The following PDE10A variants were observed in gnomAD, a reference collection of about 807,000 sequenced individuals.
The protein encoded by PDE10A is phosphodiesterase 10A, also known as cAMP and cAMP-inhibited cGMP 3',5'-cyclic phosphodiesterase 10A.
Under a neutral mutation model 97.7 loss-of-function variants are expected in PDE10A, and 39 were observed. That is an observed-to-expected ratio of 0.40 (90% CI 0.31 to 0.52). The LOEUF is 0.52. PDE10A is among the 20% of genes least tolerant of loss of function. PDE10A has a pLI of 0.56. For synonymous variants in PDE10A, 371 were observed against 376.8 expected (o/e 0.98, Z 0.18); for missense variants, 731 against 1,047.8 (o/e 0.70, Z 4.17).
intron 1 of PDE10A, among the ~76,000 whole-genome samples, chr6:165,698,518 ATAAT>A (rs1172327182): frequency 3.3e-5 from 5 of 152,238 alleles, no homozygotes; most frequent in Admixed American, 6.5e-5. Flanking sequence ...GAGCGAAAAA[ATAAT>A]TAATGAAATT....
At chr6:165,398,024 T>TA (rs1314552527) in intron 13 of PDE10A, among the ~76,000 whole-genome samples, 1 of 152,212 alleles carries the variant, frequency 6.6e-6, no homozygotes, top group Non-Finnish European at 1.5e-5. Flanking sequence ...TTGTTCTTAC[T>TA]AAAAAATTAC....
At chr6:165,814,454 T>C (rs34183557) in intron 1 of PDE10A, among the ~76,000 whole-genome samples, 11,182 of 31,024 alleles carry the variant, frequency 0.36, 534 homozygotes, top group Non-Finnish European at 0.52. Context: ...ATCCTAAAGG[T>C]ATTTTTTTTT....
At chr6:165,820,973 A>T (rs1779552475) in intron 1 of PDE10A, among the ~76,000 whole-genome samples, 1 of 152,232 alleles carries the variant, frequency 6.6e-6, no homozygotes, top group Non-Finnish European at 1.5e-5. Context: ...TTTATAACCC[A>T]TCTTACAAAT....
intron 1 of PDE10A, among the ~76,000 whole-genome samples, chr6:165,791,928 G>A (rs1778666077): frequency 6.6e-6 from 1 of 152,202 alleles, no homozygotes. Flanking sequence ...TCCGAAGTCA[G>A]CTCTGTGCAA....
chr6:165,731,123 TC>T lies in PDE10A; in HGVS notation c.-614-187556del, dbSNP rs370319654. On this transcript the variant is annotated intron_variant, in intron 1 of 19. Coordinates refer to the PDE10A transcript ENST00000366882. ...TGCCGCGCCGCGGAACCCTGCCGCA[TC>T]CCAGAACTGCCGGAGCTCCCTGTCC... Among the ~76,000 whole-genome samples, 68 of 152,348 alleles carry T rather than the reference TC, an allele frequency of 4.5e-4. 1 individual carries two copies. In the East Asian group the frequency reaches 9.1e-3, roughly 20 times the overall value.
At chr6:165,759,209 A>G (rs531578806) in intron 1 of PDE10A, among the ~76,000 whole-genome samples, 1 of 152,330 alleles carries the variant, frequency 6.6e-6, no homozygotes, top group Non-Finnish European at 1.5e-5. Flanking sequence ...GGTACACAGG[A>G]TGAAGTATTT....
chr6:165,740,496 C>T (rs1792693292), intron 1 of PDE10A, among the ~76,000 whole-genome samples: 2 of 152,062 alleles, frequency 1.3e-5, no homozygotes, highest in East Asian at 3.9e-4. Context: ...ACGTGCTCGG[C>T]TAATTTTTTT....
chr6:165,825,069 A>G (rs1779691293), intron 1 of PDE10A, among the ~76,000 whole-genome samples: 1 of 148,296 alleles, frequency 6.7e-6, no homozygotes, highest in Non-Finnish European at 1.5e-5. Context: ...AACTGCTTGA[A>G]CCCAGGAGGT....
rs191101923 is a variant in PDE10A at position 165,375,487 on chromosome 6, G to C, written c.2783+3707C>G. 1.5e-4 allele frequency among the ~76,000 whole-genome samples: 23 copies of C among 152,330 alleles called. No homozygotes were observed. In the East Asian group the frequency reaches 4.2e-3, roughly 28 times the overall value. ...GCAGAAGGAAAGTATGAAAGTAGCA[G>C]AGATTGGTTCGAGAGGTTTAAAGCA... On this transcript the variant is annotated intron_variant, in intron 18 of 21. Transcript: ENST00000539869.
chr6:165,530,660 C>A (rs946384113), intron 2 of PDE10A, among the ~76,000 whole-genome samples: 2 of 152,042 alleles, frequency 1.3e-5, no homozygotes, highest in Admixed American at 6.6e-5. Context: ...TAGTTTCCAG[C>A]AAAACTTTAT....
chr6:165,787,138 A>G (rs1051714146), intron 1 of PDE10A, among the ~76,000 whole-genome samples: 1 of 152,194 alleles, frequency 6.6e-6, no homozygotes, highest in African/African-American at 2.4e-5. Context: ...AAGAAGCGAG[A>G]TAAAATTTAA....
rs1232726278 is a variant in PDE10A at position 165,671,185 on chromosome 6, C to T, written c.-614-127617G>A. 6.6e-6 allele frequency among the ~76,000 whole-genome samples: 1 copy of T among 151,754 alleles called. No individual in the cohort carries two copies. The highest frequency in any genetic ancestry group is 6.6e-5 in the Admixed American group (1 of 15,238). Reference sequence around the variant, plus strand: ...CAACAAATGATGCTTGCTACAAATTCCCAAAGTCTACTTGTTTTTGTAAAT... The same window carrying T: ...CAACAAATGATGCTTGCTACAAATTTCCAAAGTCTACTTGTTTTTGTAAAT... On this transcript the variant is annotated intron_variant, in intron 1 of 19. Transcript: ENST00000366882. This position sits in a 1 kb window ranked among gnomAD's most constrained non-coding sequence, Gnocchi z 4.6.
Position 165,661,966 on chromosome 6 carries a change from G to T in PDE10A, c.846C>A (p.Thr282=). The T allele has an allele frequency of 8.5e-7, 1 of 1,175,384 alleles. No individual in the cohort carries two copies. Among genetic ancestry groups the T allele is most frequent in the Non-Finnish European group, 1.2e-6 (1 of 809,674 alleles). 72.8% of individuals were successfully genotyped at this position (1,175,384 alleles called of 1,614,324 possible). A position where few individuals can be genotyped will look rare whatever the true frequency, so the allele number is the denominator to read the frequency against. The part of the protein sequence containing the change: ...SNNASCFRRL[T]ECFLSPSLTD... ...ACTTACTGGGGCTCAGGAAGCACTC[G>T]GTCAGCCTTCGGAAGCAGCTCGCAT... Residue 282 remains threonine, a synonymous_variant, in exon 1 of 22, where the codon ACC becomes ACA. Transcript: ENST00000539869. This position sits in a 1 kb window ranked among gnomAD's most constrained non-coding sequence, Gnocchi z 4.8.
intron 1 of PDE10A, among the ~76,000 whole-genome samples, chr6:165,840,621 G>C (rs1780232905): frequency 6.6e-6 from 1 of 152,200 alleles, no homozygotes; most frequent in Non-Finnish European, 1.5e-5. Flanking sequence ...GAGAAGCTCT[G>C]TGTGTCTTCA....
intron 1 of PDE10A, among the ~76,000 whole-genome samples, chr6:165,930,471 TAAG>T (rs1167293480): frequency 1.3e-5 from 2 of 152,126 alleles, no homozygotes; most frequent in African/African-American, 4.8e-5. Flanking sequence ...AACAGAGAAA[TAAG>T]GAGAGAAAAT....
At chr6:165,742,658 C>T (rs1414941762) in intron 1 of PDE10A, among the ~76,000 whole-genome samples, 1 of 152,160 alleles carries the variant, frequency 6.6e-6, no homozygotes, top group African/African-American at 2.4e-5. Flanking sequence ...CGACTTAAAT[C>T]TCTGGTCACT....
chr6:165,675,226 A>G (rs1424690581), intron 1 of PDE10A, among the ~76,000 whole-genome samples: 2 of 152,218 alleles, frequency 1.3e-5, no homozygotes, highest in Non-Finnish European at 2.9e-5. Flanking sequence ...AGATTTAAGT[A>G]TCTGCTTTGT....
intron 1 of PDE10A, among the ~76,000 whole-genome samples, chr6:165,868,052 TA>T (rs776042739): frequency 3.0e-4 from 45 of 152,092 alleles, no homozygotes; most frequent in African/African-American, 1.1e-3. Context: ...TTTACAGCAA[TA>T]AATGCTTACA....
In PDE10A at chr6:165,388,404, C is replaced by T; in HGVS notation, c.2504G>A (p.Gly835Asp). 6.2e-7 allele frequency: 1 copy of T among 1,614,048 alleles called. No homozygotes were observed. Among genetic ancestry groups the T allele is most frequent in the Non-Finnish European group, 8.5e-7 (1 of 1,179,934 alleles). Residue 835 changes from glycine (G) to aspartate (D), a missense_variant, in exon 17 of 22, where the codon GGC (glycine) becomes GAC (aspartate). Physicochemically the swap from Gly to Asp is moderately conservative, Grantham distance 94. This residue lies in a region of PDE10A where 131 missense variants were observed against 187.4 expected (regional missense o/e 0.70). Transcript: ENST00000539869. The surrounding 1 kb of genome is among the most constrained non-coding windows in gnomAD (Gnocchi z 4.0). ...CTTCTGCAGGTAGCTGTTACTGAAG[C>T]CCCTGTGGTCCAGGTCATGACACAG... Reference protein sequence around the residue: ...ACLCHDLDHRGFSNSYLQKFD... With the variant: ...ACLCHDLDHRDFSNSYLQKFD...
Sources: allele counts gnomAD v4.1 joint callset (sites outside exome capture counted in the v4.1 genomes callset), GRCh38; gene constraint gnomAD v4.1.1; regional missense constraint gnomAD v4.1.1; non-coding constraint Gnocchi (gnomAD v3.1); transcripts MANE v1.5; gene names NCBI Gene and HGNC (gene_info 2026-07-23, HGNC 2026-07-21).